The following TMEM132C variants were observed in gnomAD, a reference collection of about 807,000 sequenced individuals.
TMEM132C encodes transmembrane protein 132C.
Under a neutral mutation model 61.4 loss-of-function variants are expected in TMEM132C, and 29 were observed. The observed-to-expected ratio is 0.47, with a 90% CI of 0.35 to 0.64. The LOEUF is 0.64. Among genes scored for constraint, TMEM132C ranks in the 30% least tolerant of loss-of-function variants. The pLI is 0.00. For missense variants in TMEM132C, 1,408 were observed against 1,476.9 expected (o/e 0.95, Z 0.76); for synonymous variants, 656 against 633.1 (o/e 1.04, Z -0.54).
intron 2 of TMEM132C, among the ~76,000 whole-genome samples, chr12:128,507,218 G>A (rs2136114388): frequency 6.6e-6 from 1 of 152,108 alleles, no homozygotes; most frequent in Middle Eastern, 3.4e-3. Context: ...CGCTGTTCCT[G>A]TTTATTTTTT....
At chr12:128,694,995 G>A (rs927031231) in intron 6 of TMEM132C, among the ~76,000 whole-genome samples, 12 of 152,302 alleles carry the variant, frequency 7.9e-5, no homozygotes, top group African/African-American at 2.9e-4. Flanking sequence ...TTATGAGTTT[G>A]CCTCATAGTG....
At position 128,608,819 on chromosome 12, in the gene TMEM132C, C is replaced by A. The variant is rs542004083; in HGVS notation, c.1122-7333C>A. Among the ~76,000 whole-genome samples the A allele has an allele frequency of 8.5e-5, 13 of 152,224 alleles. 1 individual carries two copies. The East Asian group carries it at 2.5e-3, about 29-fold the overall frequency. On this transcript the variant is annotated intron_variant, in intron 3 of 8. Coordinates refer to ENST00000435159, the MANE Select transcript of TMEM132C (RefSeq NM_001136103.3). Reference sequence around the variant, plus strand: ...ATAATATTCAGCCAGGATGGAGAGCCCCTGATTTAGAGGAGGGGGAGGCTC... The same window carrying A: ...ATAATATTCAGCCAGGATGGAGAGCACCTGATTTAGAGGAGGGGGAGGCTC...
chr12:128,645,420 A>T (rs1954188696), intron 4 of TMEM132C, among the ~76,000 whole-genome samples: 1 of 152,140 alleles, frequency 6.6e-6, no homozygotes, highest in African/African-American at 2.4e-5. Context: ...AGGCCCAGTC[A>T]TGGCACCTGA....
intron 4 of TMEM132C, among the ~76,000 whole-genome samples, chr12:128,665,760 C>T (rs1465867946): frequency 4.2e-5 from 6 of 143,644 alleles, no homozygotes; most frequent in African/African-American, 1.7e-4. Flanking sequence ...GGCACATGTA[C>T]TCATAAGCAC....
chr12:128,544,573 T>A (rs1378827512), intron 3 of TMEM132C, among the ~76,000 whole-genome samples: 1 of 152,236 alleles, frequency 6.6e-6, no homozygotes, highest in African/African-American at 2.4e-5. Flanking sequence ...GATGATTTTT[T>A]AAAATAATTG....
rs1047802130 is a variant in TMEM132C at position 128,570,341 on chromosome 12, A to G, written c.1121+26238A>G. ...CAGTTTCTTTTCCAAGTAATTCACAACACGTGAGTGCATTCATGGGCCTTT... is the reference window on the plus strand; with the variant it reads ...CAGTTTCTTTTCCAAGTAATTCACAGCACGTGAGTGCATTCATGGGCCTTT... On this transcript the variant is annotated intron_variant, in intron 3 of 8. Coordinates refer to ENST00000435159, the MANE Select transcript of TMEM132C (RefSeq NM_001136103.3). This position sits in a 1 kb window ranked among gnomAD's most constrained non-coding sequence, Gnocchi z 4.7. Among the ~76,000 whole-genome samples the G allele has an allele frequency of 1.3e-5, 2 of 152,198 alleles. No individual in the cohort carries two copies. Among genetic ancestry groups the G allele is most frequent in the Non-Finnish European group, 2.9e-5 (2 of 68,044 alleles).
chr12:128,672,704 T>C (rs2135633152), intron 5 of TMEM132C, among the ~76,000 whole-genome samples: 1 of 152,256 alleles, frequency 6.6e-6, no homozygotes, highest in Admixed American at 6.5e-5. Flanking sequence ...GCTGTGGCCT[T>C]GGGTCTGATG....
chr12:128,277,848 G>A (rs929700434), intron 1 of TMEM132C, among the ~76,000 whole-genome samples: 1 of 152,096 alleles, frequency 6.6e-6, no homozygotes, highest in African/African-American at 2.4e-5. Context: ...TAGGAAGGTG[G>A]CCTTCTTTAT....
chr12:128,459,414 G>A (rs1429605722), intron 2 of TMEM132C, among the ~76,000 whole-genome samples: 1 of 152,224 alleles, frequency 6.6e-6, no homozygotes, highest in African/African-American at 2.4e-5. Flanking sequence ...GGGTTTGAGA[G>A]ACCAAGGAAG....
At chr12:128,432,262 C>T (rs1245202278) in intron 2 of TMEM132C, among the ~76,000 whole-genome samples, 1 of 152,192 alleles carries the variant, frequency 6.6e-6, no homozygotes, top group Non-Finnish European at 1.5e-5. Flanking sequence ...TTCCACAGCC[C>T]GTGGATCAAG....
chr12:128,604,383 CTAGA>C (rs1437224845), intron 3 of TMEM132C, among the ~76,000 whole-genome samples: 7 of 138,170 alleles, frequency 5.1e-5, no homozygotes, highest in South Asian at 2.3e-4. Context: ...AGATAGATGG[CTAGA>C]TAGATAAATA....
intron 8 of TMEM132C, among the ~76,000 whole-genome samples, chr12:128,701,899 CTTTTTT>C (rs34680984): frequency 3.1e-5 from 4 of 130,054 alleles, no homozygotes; most frequent in African/African-American, 9.4e-5. Flanking sequence ...GCTTCTTCTT[CTTTTTT>C]TTTTTTTTTT....
chr12:128,361,523 T>C (rs1360228518), intron 1 of TMEM132C, among the ~76,000 whole-genome samples: 2 of 152,146 alleles, frequency 1.3e-5, no homozygotes, highest in African/African-American at 2.4e-5. Flanking sequence ...AATGTCTCCA[T>C]TGGTGGTCTT....
At chr12:128,464,777 A>AG (rs1491324093) in intron 2 of TMEM132C, among the ~76,000 whole-genome samples, 2 of 143,954 alleles carry the variant, frequency 1.4e-5, no homozygotes, top group African/African-American at 2.7e-5. Context: ...AGAAAGAAAG[A>AG]AAGAAAGAGA....
intron 2 of TMEM132C, among the ~76,000 whole-genome samples, chr12:128,516,376 G>A (rs944364815): frequency 6.6e-6 from 1 of 152,140 alleles, no homozygotes; most frequent in African/African-American, 2.4e-5. Flanking sequence ...CAAGGACTAA[G>A]CACTGTGTGA....
chr12:128,673,248 T>A (rs1954550751), intron 5 of TMEM132C, among the ~76,000 whole-genome samples: 1 of 152,150 alleles, frequency 6.6e-6, no homozygotes, highest in South Asian at 2.1e-4. Flanking sequence ...ATGGCAGTAG[T>A]ACTCTTATAA....
At chr12:128,665,676 T>C (rs1447023317) in intron 4 of TMEM132C, among the ~76,000 whole-genome samples, 52 of 57,738 alleles carry the variant, frequency 9.0e-4, no homozygotes, top group Middle Eastern at 0.026. Flanking sequence ...CACACAGGCA[T>C]ACACACATAC....
intron 1 of TMEM132C, among the ~76,000 whole-genome samples, chr12:128,363,958 G>A (rs1051056510): frequency 2.0e-5 from 3 of 152,056 alleles, no homozygotes; most frequent in East Asian, 1.9e-4. Context: ...GAGAATCTTG[G>A]TCAGAGAGGA....
At chr12:128,407,819 G>A (rs1875400281) in intron 1 of TMEM132C, among the ~76,000 whole-genome samples, 4 of 152,272 alleles carry the variant, frequency 2.6e-5, no homozygotes, top group Admixed American at 2.6e-4. Context: ...CCTCTTGATG[G>A]GAGAACTGCA....
Sources: allele counts gnomAD v4.1 joint callset (sites outside exome capture counted in the v4.1 genomes callset), GRCh38; gene constraint gnomAD v4.1.1; non-coding constraint Gnocchi (gnomAD v3.1); transcripts MANE v1.5; gene names NCBI Gene and HGNC (gene_info 2026-07-23, HGNC 2026-07-21).